Variants in NDRG3 observed in about 807,000 individuals in gnomAD.
NDRG3 encodes the protein NDRG family member 3.
In NDRG3, 23 loss-of-function variants were observed where a neutral mutation model predicts 57.2. The ratio of observed to expected loss-of-function variants is 0.40; its 90% CI spans 0.29 to 0.57. The LOEUF is 0.57. Among genes scored for constraint, NDRG3 ranks in the 20% least tolerant of loss-of-function variants. NDRG3 has a pLI of 0.42. For synonymous variants in NDRG3, 132 were observed against 162.6 expected, an observed-to-expected ratio of 0.81 and a Z score of 1.43; for missense variants, 384 against 457.3, an observed-to-expected ratio of 0.84 and a Z score of 1.46.
chr20:36,679,747 GC>G (rs539162335), intron 8 of NDRG3, among the ~76,000 whole-genome samples: 127 of 150,758 alleles, frequency 8.4e-4, no homozygotes, highest in African/African-American at 3.0e-3. Context: ...CAGGTGATCT[GC>G]CCACCTTGAC....
At chr20:36,729,952 T>A (rs1985174960) in intron 1 of NDRG3, among the ~76,000 whole-genome samples, 1 of 151,898 alleles carries the variant, frequency 6.6e-6, no homozygotes, top group Admixed American at 6.6e-5. Flanking sequence ...TTTTTATTTT[T>A]AAATGTTTTA....
intron 3 of NDRG3, among the ~76,000 whole-genome samples, chr20:36,705,321 C>CAAA (rs1174347133): frequency 2.1e-4 from 15 of 72,194 alleles, no homozygotes; most frequent in African/African-American, 6.7e-4. Flanking sequence ...GACTCTGTCT[C>CAAA]AAAAAAAAAA....
chr20:36,696,496 C>CT (rs947816960), intron 3 of NDRG3, among the ~76,000 whole-genome samples: 2 of 151,232 alleles, frequency 1.3e-5, no homozygotes, highest in African/African-American at 2.4e-5. Flanking sequence ...CTTTTTCTTT[C>CT]TTTTTTTTCT....
intron 3 of NDRG3, among the ~76,000 whole-genome samples, chr20:36,701,064 A>C (rs1464959207): frequency 6.6e-6 from 1 of 152,104 alleles, no homozygotes; most frequent in Non-Finnish European, 1.5e-5. Context: ...ATGAGCCACC[A>C]TTCCCCGGCT....
At chr20:36,710,954 TG>T (rs1405685108) in intron 2 of NDRG3, among the ~76,000 whole-genome samples, 1 of 151,598 alleles carries the variant, frequency 6.6e-6, no homozygotes, top group African/African-American at 2.4e-5. Context: ...CACTCCAGCC[TG>T]GGCAACAGAG....
intron 1 of NDRG3, among the ~76,000 whole-genome samples, chr20:36,727,777 G>A (rs1333332831): frequency 6.6e-6 from 1 of 151,892 alleles, no homozygotes; most frequent in African/African-American, 2.4e-5. Flanking sequence ...TCCTGACCTC[G>A]TGATCTGCCC....
At chr20:36,723,662 G>A (rs1617728) in intron 1 of NDRG3, among the ~76,000 whole-genome samples, 17 of 120,866 alleles carry the variant, frequency 1.4e-4, no homozygotes, top group African/African-American at 4.8e-4. Context: ...TTAGTCTAGT[G>A]TGTGTGTGTG....
At chr20:36,734,617 A>C (rs1475854287) in intron 1 of NDRG3, among the ~76,000 whole-genome samples, 1 of 152,152 alleles carries the variant, frequency 6.6e-6, no homozygotes, top group Admixed American at 6.6e-5. Context: ...AAGCTTATGA[A>C]CTGGACAAAC....
intron 1 of NDRG3, among the ~76,000 whole-genome samples, chr20:36,738,605 T>G (rs1307865285): frequency 7.8e-6 from 1 of 128,354 alleles, no homozygotes; most frequent in Non-Finnish European, 1.7e-5. Context: ...GGCGGATCAC[T>G]TGAGGTGAGG....
At chr20:36,715,905 G>A (rs1308588236) in intron 2 of NDRG3, among the ~76,000 whole-genome samples, 1 of 151,878 alleles carries the variant, frequency 6.6e-6, no homozygotes, top group African/African-American at 2.4e-5. Context: ...GAGATGGGTG[G>A]ATGGCTTGAG....
chr20:36,656,448 T>A, intron 14 of NDRG3, 37 bp from the exon 15 acceptor site: 1 of 1,614,084 alleles, frequency 6.2e-7, no homozygotes, highest in Non-Finnish European at 8.5e-7. Flanking sequence ...AATTTTTGCA[T>A]AGACAGAGAA....
intron 8 of NDRG3, among the ~76,000 whole-genome samples, chr20:36,672,621 G>T (rs1980271335): frequency 3.3e-5 from 5 of 152,168 alleles, no homozygotes; most frequent in African/African-American, 7.2e-5. Flanking sequence ...CTGAGGTCAG[G>T]AGTTTGAGAC....
At chr20:36,682,922 C>T (rs546102483) in intron 6 of NDRG3, among the ~76,000 whole-genome samples, 2 of 147,922 alleles carry the variant, frequency 1.4e-5, no homozygotes, top group Admixed American at 6.8e-5. Flanking sequence ...AAAAATTAGC[C>T]GGGCATGGTG....
At chr20:36,665,463 T>C (rs1438102457) in intron 10 of NDRG3, among the ~76,000 whole-genome samples, 162 bp from the exon 11 acceptor site, 1 of 152,156 alleles carries the variant, frequency 6.6e-6, no homozygotes, top group East Asian at 1.9e-4. Flanking sequence ...TGAGTCGCCA[T>C]TTCAGTGGCA....
At chr20:36,745,890 G>A (rs1409038299) in intron 1 of NDRG3, among the ~76,000 whole-genome samples, 155 bp downstream of exon 1, 1 of 150,736 alleles carries the variant, frequency 6.6e-6, no homozygotes, top group African/African-American at 2.4e-5. Context: ...GGGCGGGGCA[G>A]AGGGCCCCGG....
At position 36,705,205 on chromosome 20, in the gene NDRG3, C is replaced by T. The variant is rs539163097; in HGVS notation, c.93+1767G>A. On this transcript the variant is annotated intron_variant, in intron 3 of 15. Transcript: ENST00000349004. ...GGTGTGGTGGCGGGCTCCTGTAATC[C>T]CAGCTACTTGGAGGCTGAGGCAGGA... Among the ~76,000 whole-genome samples, 3 of 151,588 alleles carry T rather than the reference C, an allele frequency of 2.0e-5. No individual in the cohort carries two copies. In the East Asian group the frequency reaches 5.8e-4, roughly 29 times the overall value.
At chr20:36,708,707 C>T (rs956671439) in intron 2 of NDRG3, among the ~76,000 whole-genome samples, 3 of 149,632 alleles carry the variant, frequency 2.0e-5, no homozygotes, top group Admixed American at 6.6e-5. Context: ...ATCCCACCAA[C>T]TACACTGCTG....
chr20:36,706,902 C>T (rs1265303801), intron 3 of NDRG3, 70 bp downstream of exon 3: 2 of 1,338,876 alleles, frequency 1.5e-6, no homozygotes, highest in Admixed American at 3.8e-5. Flanking sequence ...TCTACAAGAC[C>T]ACCACCACAG....
intron 1 of NDRG3, among the ~76,000 whole-genome samples, chr20:36,736,894 T>C (rs1046342585): frequency 6.6e-6 from 1 of 152,150 alleles, no homozygotes; most frequent in African/African-American, 2.4e-5. Flanking sequence ...GTAGCTGATA[T>C]GCTCACAGAT....
Sources: allele counts gnomAD v4.1 joint callset (sites outside exome capture counted in the v4.1 genomes callset), GRCh38; gene constraint gnomAD v4.1.1; transcripts MANE v1.5; gene names NCBI Gene and HGNC (gene_info 2026-07-23, HGNC 2026-07-21).